The following DAB1 variants were observed in gnomAD, a reference collection of about 807,000 sequenced individuals.
DAB1 encodes DAB adaptor protein 1.
DAB1 carries 15 observed loss-of-function variants against 64.6 expected under a neutral mutation model. The observed-to-expected ratio is 0.23, with a 90% confidence interval of 0.16 to 0.36. DAB1 has a LOEUF of 0.36. Ranked by LOEUF, DAB1 falls within the 10% of genes least tolerant of loss-of-function variation. The probability of loss-of-function intolerance (pLI) is 1.00; values close to 1 mark genes in which losing one functional copy is unlikely to be tolerated. For synonymous variants in DAB1, 235 were observed against 251.9 expected (o/e 0.93, Z 0.64); for missense variants, 596 against 706.7 (o/e 0.84, Z 1.78).
At chr1:57,738,036 C>T (rs1260986807) in intron 6 of DAB1, among the ~76,000 whole-genome samples, 1 of 152,180 alleles carries the variant, frequency 6.6e-6, no homozygotes, top group East Asian at 1.9e-4. Flanking sequence ...CTGATTACCT[C>T]ACCTCCTTGC....
chr1:58,187,383 G>A (rs1657136960), intron 4 of DAB1, among the ~76,000 whole-genome samples: 1 of 151,152 alleles, frequency 6.6e-6, no homozygotes, highest in South Asian at 2.1e-4. Flanking sequence ...AAGTTGAAGT[G>A]GGAGGATTAC....
intron 7 of DAB1, among the ~76,000 whole-genome samples, chr1:57,540,473 A>G (rs1178793667): frequency 6.6e-6 from 1 of 152,224 alleles, no homozygotes; most frequent in Non-Finnish European, 1.5e-5. Flanking sequence ...GCAAATAGGT[A>G]TATCAAAGGG....
intron 4 of DAB1, chr1:58,228,689 C>A (rs1391715307): frequency 8.8e-6 from 10 of 1,136,744 alleles, no homozygotes; most frequent in Non-Finnish European, 1.3e-5. Flanking sequence ...GGGCTCAGTA[C>A]CTCTTAGCCT....
intron 7 of DAB1, among the ~76,000 whole-genome samples, chr1:57,544,902 G>A (rs1048121138): frequency 6.6e-6 from 1 of 152,230 alleles, no homozygotes; most frequent in Non-Finnish European, 1.5e-5. Flanking sequence ...GGAACTGTGA[G>A]TCAATTAAAC....
At position 57,367,986 on chromosome 1, in the gene DAB1, G is replaced by A. The variant is rs188998264; in HGVS notation, c.-137+55944C>T. 1.6e-3 allele frequency among the ~76,000 whole-genome samples: 250 copies of A among 152,316 alleles called. 1 individual carries two copies. The highest frequency in any genetic ancestry group is 5.5e-3 in the African/African-American group (228 of 41,574). ...CCCAGGCATCCCTGCCCTCTTGGAG[G>A]CCCAGGAAGGCTTGGAAATACCTGC... is the stretch of plus-strand genomic sequence containing the variant. On this transcript the variant is annotated intron_variant, in intron 1 of 14. Transcript: ENST00000371236.
intron 6 of DAB1, among the ~76,000 whole-genome samples, chr1:57,691,170 C>G (rs1240535259): frequency 2.0e-5 from 3 of 152,036 alleles, no homozygotes. Context: ...GATTGTAAAC[C>G]CACCAATCAG....
chr1:57,656,036 T>G (rs1335620021), intron 6 of DAB1, among the ~76,000 whole-genome samples: 2 of 152,074 alleles, frequency 1.3e-5, no homozygotes, highest in Non-Finnish European at 2.9e-5. Flanking sequence ...GGTGATTAGG[T>G]CATGAGGGTG....
chr1:58,405,792 A>G (rs1644611630), intron 3 of DAB1, among the ~76,000 whole-genome samples: 1 of 152,234 alleles, frequency 6.6e-6, no homozygotes, highest in South Asian at 2.1e-4. Context: ...ATCACATTTT[A>G]TGAATGAGGA....
chr1:58,534,871 G>A (rs987846996), intron 1 of DAB1, among the ~76,000 whole-genome samples: 1 of 152,212 alleles, frequency 6.6e-6, no homozygotes, highest in African/African-American at 2.4e-5. Context: ...AGGAGGTGGA[G>A]GTTGCAGTGA....
At chr1:57,074,107 C>T (rs1311658617) in intron 4 of DAB1, among the ~76,000 whole-genome samples, 3 of 151,962 alleles carry the variant, frequency 2.0e-5, no homozygotes, top group Non-Finnish European at 2.9e-5. Context: ...TGGGCTCAAG[C>T]GATCCACCTG....
At chr1:57,172,021 C>T (rs2100928317) in intron 2 of DAB1, among the ~76,000 whole-genome samples, 1 of 152,194 alleles carries the variant, frequency 6.6e-6, no homozygotes, top group South Asian at 2.1e-4. Context: ...TTTCATGCCT[C>T]TCCCCTAGCT....
intron 2 of DAB1, among the ~76,000 whole-genome samples, chr1:58,521,788 A>G (rs1335225717): frequency 6.6e-6 from 1 of 152,170 alleles, no homozygotes; most frequent in Non-Finnish European, 1.5e-5. Flanking sequence ...TCATGAAGAA[A>G]TCTTCAGGCC....
chr1:58,398,087 C>T (rs1429642274), intron 3 of DAB1, among the ~76,000 whole-genome samples: 1 of 152,178 alleles, frequency 6.6e-6, no homozygotes, highest in Non-Finnish European at 1.5e-5. Context: ...GATCTATCTT[C>T]ACAGCTGCCA....
chr1:58,190,119 T>C (rs887803265), intron 4 of DAB1, among the ~76,000 whole-genome samples: 1 of 152,164 alleles, frequency 6.6e-6, no homozygotes, highest in African/African-American at 2.4e-5. Flanking sequence ...TTACAAGATT[T>C]CCTGATGATT....
At chr1:57,301,736 C>T (rs79729154) in intron 1 of DAB1, among the ~76,000 whole-genome samples, 2,178 of 152,240 alleles carry the variant, frequency 0.014, 56 homozygotes, top group African/African-American at 0.049. Context: ...AAGTACCAAG[C>T]CTAGGTGGTG....
At chr1:57,531,636 G>A (rs1367195709) in intron 7 of DAB1, among the ~76,000 whole-genome samples, 1 of 152,120 alleles carries the variant, frequency 6.6e-6, no homozygotes, top group Non-Finnish European at 1.5e-5. Flanking sequence ...AATTGAAGAA[G>A]AATGAAAGAA....
At chr1:58,424,464 C>T (rs1357049432) in intron 3 of DAB1, among the ~76,000 whole-genome samples, 4 of 152,224 alleles carry the variant, frequency 2.6e-5, no homozygotes, top group South Asian at 2.1e-4. Flanking sequence ...GGGATTCTCT[C>T]GGTTTTATCT....
At chr1:57,932,790 GTCTT>G (rs1644972025) in intron 5 of DAB1, among the ~76,000 whole-genome samples, 3 of 152,132 alleles carry the variant, frequency 2.0e-5, no homozygotes, top group Admixed American at 6.5e-5. Flanking sequence ...AGCATGGTTT[GTCTT>G]TCTATGTCCA....
intron 5 of DAB1, among the ~76,000 whole-genome samples, chr1:58,014,835 G>A (rs542537812): frequency 6.6e-6 from 1 of 152,262 alleles, no homozygotes; most frequent in East Asian, 1.9e-4. Context: ...CAGAGAGGCT[G>A]ACAGGAAAGG....
Sources: allele counts gnomAD v4.1 joint callset (sites outside exome capture counted in the v4.1 genomes callset), GRCh38; gene constraint gnomAD v4.1.1; transcripts MANE v1.5; gene names NCBI Gene and HGNC (gene_info 2026-07-23, HGNC 2026-07-21).